Variants in PCDHA5 observed in about 807,000 individuals in gnomAD.
PCDHA5 encodes protocadherin alpha-5.
Under a neutral mutation model 61.6 loss-of-function variants are expected in PCDHA5, and 43 were observed. The observed-to-expected ratio is 0.70, with a 90% confidence interval of 0.55 to 0.90. The LOEUF is 0.90. Ranked by LOEUF, PCDHA5 falls within the 40% of genes least tolerant of loss-of-function variation. The pLI is 0.00. For synonymous variants in PCDHA5, 627 were observed against 543.9 expected, an observed-to-expected ratio of 1.15 and a Z score of -2.13; for missense variants, 1,298 against 1,222.7, an observed-to-expected ratio of 1.06 and a Z score of -0.92.
chr5:140,899,721 T>C (rs1415074846), intron 1 of PCDHA5, among the ~76,000 whole-genome samples: 1 of 152,250 alleles, frequency 6.6e-6, no homozygotes, highest in Non-Finnish European at 1.5e-5. Flanking sequence ...GATTCCCTCT[T>C]TTTCTATTGA....
chr5:140,829,049 A>G (rs2150162138), intron 1 of PCDHA5: 1 of 1,613,120 alleles, frequency 6.2e-7, no homozygotes, highest in South Asian at 1.1e-5. Flanking sequence ...CAAAATCCTC[A>G]TTGACGCCAC....
chr5:140,869,506 C>G (rs782699561), intron 1 of PCDHA5: 20 of 1,614,178 alleles, frequency 1.2e-5, no homozygotes, highest in Admixed American at 6.7e-5. Context: ...GGTGTTCTCG[C>G]TCAGAGAACA....
At chr5:140,839,728 G>T (rs1776382427) in intron 1 of PCDHA5, among the ~76,000 whole-genome samples, 1 of 151,992 alleles carries the variant, frequency 6.6e-6, no homozygotes, top group Non-Finnish European at 1.5e-5. Flanking sequence ...TCATTTCACA[G>T]AAAATACCCT....
chr5:140,920,360 C>T (rs1049389066), intron 1 of PCDHA5, among the ~76,000 whole-genome samples: 2 of 151,950 alleles, frequency 1.3e-5, no homozygotes, highest in Non-Finnish European at 2.9e-5. Context: ...TAGTTCTATT[C>T]ATTTATTCTT....
chr5:140,875,813 T>A, intron 1 of PCDHA5: 2 of 1,614,174 alleles, frequency 1.2e-6, no homozygotes, highest in Non-Finnish European at 1.7e-6. Context: ...GACAGGCCGC[T>A]GCAGGTTTTC....
At chr5:140,871,422 C>T in intron 1 of PCDHA5, 1 of 1,613,658 alleles carries the variant, frequency 6.2e-7, no homozygotes, top group Non-Finnish European at 8.5e-7. Context: ...CCTTCAGCCC[C>T]AGTCTTCCTC....
intron 1 of PCDHA5, among the ~76,000 whole-genome samples, chr5:140,945,918 C>T (rs782600130): frequency 1.2e-4 from 18 of 152,106 alleles, no homozygotes; most frequent in Admixed American, 2.6e-4. Context: ...ATCAATAACA[C>T]TGATCTGAGC....
intron 1 of PCDHA5, among the ~76,000 whole-genome samples, chr5:140,962,257 A>C (rs915555866): frequency 6.6e-6 from 1 of 152,174 alleles, no homozygotes; most frequent in Admixed American, 6.5e-5. Context: ...AATGAAAAAT[A>C]ATTTTATAAT....
At chr5:140,967,690 C>T (rs782694266) in intron 1 of PCDHA5, 1 of 1,614,190 alleles carries the variant, frequency 6.2e-7, no homozygotes, top group Admixed American at 1.7e-5. Flanking sequence ...GGCAGCTCTT[C>T]AGCATAGATG....
intron 3 of PCDHA5, among the ~76,000 whole-genome samples, chr5:140,984,647 G>C (rs1169327185): frequency 6.6e-6 from 1 of 152,102 alleles, no homozygotes; most frequent in Non-Finnish European, 1.5e-5. Flanking sequence ...CCTTCTCCCT[G>C]TCCTTCTGGT....
intron 1 of PCDHA5, chr5:140,926,257 C>CT (rs1336723706): frequency 4.6e-5 from 7 of 152,300 alleles, no homozygotes; most frequent in African/African-American, 1.7e-4. Flanking sequence ...ACCGTCCCGC[C>CT]TCTCGCCGCC....
intron 1 of PCDHA5, chr5:140,969,506 G>A (rs1262259666): frequency 2.9e-5 from 41 of 1,426,940 alleles, no homozygotes; most frequent in Non-Finnish European, 3.6e-5. Context: ...TAGAAAAATA[G>A]CACTAAAGAA....
chr5:140,835,158 A>G, intron 1 of PCDHA5: 1 of 1,455,544 alleles, frequency 6.9e-7, no homozygotes, highest in Non-Finnish European at 9.3e-7. Context: ...TTCTATCGGA[A>G]CGCTGGTGAT....
chr5:140,844,211 T>C (rs1162021656), intron 1 of PCDHA5, among the ~76,000 whole-genome samples: 1 of 149,836 alleles, frequency 6.7e-6, no homozygotes, highest in African/African-American at 2.4e-5. Flanking sequence ...TGTCTGGTAG[T>C]CACAAATATC....
At position 140,821,883 on chromosome 5, in the gene PCDHA5, G is replaced by C; in HGVS notation, c.108G>C (p.Glu36Asp). Residue 36 changes from glutamate to aspartate, a missense_variant, in exon 1 of 4, where the codon GAG (glutamate) becomes GAC (aspartate). Coordinates refer to ENST00000529859, the MANE Select transcript of PCDHA5 (RefSeq NM_018908.3). Reference protein sequence around the residue: ...GSGQLHYSIPEEAKHGTFVGR... With the variant: ...GSGQLHYSIPDEAKHGTFVGR... The stretch of plus-strand genomic sequence containing the variant: ...GCCAGCTCCACTACTCGATCCCGGA[G>C]GAAGCCAAACACGGAACCTTCGTTG... The C allele has an allele frequency of 6.2e-7, 1 of 1,614,120 alleles. No individual in the cohort carries two copies. Among genetic ancestry groups the C allele is most frequent in the East Asian group, 2.2e-5 (1 of 44,902 alleles).
intron 1 of PCDHA5, among the ~76,000 whole-genome samples, chr5:140,972,784 C>T (rs2096555970): frequency 1.3e-5 from 2 of 151,762 alleles, no homozygotes; most frequent in South Asian, 4.2e-4. Context: ...CTGCCTCAGC[C>T]TCCTGAGTAG....
At chr5:140,829,079 A>G (rs1770100550) in intron 1 of PCDHA5, 1 of 1,611,828 alleles carries the variant, frequency 6.2e-7, no homozygotes, top group South Asian at 1.1e-5. Context: ...CCATCCTCCC[A>G]TGGCGGGTCA....
At chr5:140,938,930 A>T (rs2092272913) in intron 1 of PCDHA5, among the ~76,000 whole-genome samples, 1 of 152,066 alleles carries the variant, frequency 6.6e-6, no homozygotes, top group African/African-American at 2.4e-5. Flanking sequence ...ATTGGCTTTT[A>T]ACTTTCCATT....
chr5:141,000,647 C>G (rs1442819157), intron 3 of PCDHA5, among the ~76,000 whole-genome samples: 1 of 151,182 alleles, frequency 6.6e-6, no homozygotes, highest in Non-Finnish European at 1.5e-5. Context: ...AGGCTGGTCT[C>G]GAACTCCTGA....
Sources: allele counts gnomAD v4.1 joint callset (sites outside exome capture counted in the v4.1 genomes callset), GRCh38; gene constraint gnomAD v4.1.1; transcripts MANE v1.5; gene names NCBI Gene and HGNC (gene_info 2026-07-23, HGNC 2026-07-21).